The following CYGB variants were observed in gnomAD, a reference collection of about 807,000 sequenced individuals.
CYGB encodes cytoglobin, also known as histoglobin.
A neutral mutation model predicts 20.7 loss-of-function variants in CYGB; 13 were observed. The observed-to-expected ratio is 0.63, with a 90% CI of 0.41 to 1.00. The LOEUF (loss-of-function observed/expected upper bound fraction) is 1.00. Ranked by LOEUF, CYGB falls within the 50% of genes least tolerant of loss-of-function variation. The pLI is 0.00. For missense variants in CYGB, 218 were observed against 257.2 expected (o/e 0.85, Z 1.04); for synonymous variants, 93 against 107.4 (o/e 0.87, Z 0.83).
rs951084606 is a variant in CYGB, at chr17:76,530,101, T to A, written c.539+878A>T. The A allele has an allele frequency of 3.1e-6, 3 of 983,072 alleles. No homozygotes were observed. The African/African-American group carries it at 5.2e-5, about 17-fold the overall frequency. 60.9% of individuals were successfully genotyped at this position (983,072 alleles called of 1,614,324 possible). A position where few individuals can be genotyped will look rare whatever the true frequency, so the allele number is the denominator to read the frequency against. On this transcript the variant is annotated intron_variant, in intron 3 of 3. Transcript: ENST00000293230. The surrounding 1 kb of genome is among the most constrained non-coding windows in gnomAD (Gnocchi z 6.1). ...CGCCGCCTTTTCCATGGGAAACTGC[T>A]GGGAATGTTTCTCTACCACGGGAAT...
Position 76,528,345 on chromosome 17 carries a change from G to A in CYGB, c.*233C>T. On this transcript the variant is annotated 3_prime_UTR_variant, in exon 4 of 4. Coordinates refer to ENST00000293230, the MANE Select transcript of CYGB (RefSeq NM_134268.5). This position sits in a 1 kb window ranked among gnomAD's most constrained non-coding sequence, Gnocchi z 5.8. ...CTCTAACAGTGAGTAGAAAAGCTAA[G>A]AAGAGTGGGCCCCGCTCTGCCCGCC... The A allele has an allele frequency of 2.5e-6, 1 of 406,900 alleles. No homozygotes were observed. Among genetic ancestry groups the A allele is most frequent in the Non-Finnish European group, 4.3e-6 (1 of 231,782 alleles). 25.2% of individuals were successfully genotyped at this position (406,900 alleles called of 1,614,324 possible).
At chr17:76,548,042 G>A (rs1020765429) in intron 1 of CYGB, among the ~76,000 whole-genome samples, 11 of 146,896 alleles carry the variant, frequency 7.5e-5, no homozygotes, top group Non-Finnish European at 1.2e-4. Flanking sequence ...ACACATATAC[G>A]AACATTCACA....
At chr17:76,544,273 T>C (rs1381070690) in intron 1 of CYGB, 5 of 454,412 alleles carry the variant, frequency 1.1e-5, no homozygotes, top group South Asian at 6.2e-5. Flanking sequence ...TCTGCCTGGC[T>C]GGCCCGTGCC....
Position 76,527,747 on chromosome 17 carries a change from G to A in CYGB, c.*831C>T, listed in dbSNP as rs544646562. ...GTGGCCAAGGCAGGTGGAGCTAGCG[G>A]TCGAGGTTTCTGGACTGAGGCCCCT... On this transcript the variant is annotated 3_prime_UTR_variant, in exon 4 of 4. Coordinates refer to ENST00000293230, the MANE Select transcript of CYGB (RefSeq NM_134268.5). 1.6e-4 allele frequency: 73 copies of A among 454,042 alleles called. No homozygotes were observed. The highest frequency in any genetic ancestry group is 1.1e-3 in the South Asian group (72 of 64,474). The allele number at this position is 454,042 out of a possible 1,614,324, so 28.1% of individuals were successfully genotyped here.
rs56118010 is a variant in CYGB at position 76,547,643 on chromosome 17, TCACACACA to T, written c.-53+3211_-53+3218del. On this transcript the variant is annotated intron_variant, in intron 1 of 3. Transcript: ENST00000589145. ...TGTCCCTATGTGAACACACACACAT[TCACACACA>T]CACACACACACATATTCACACACAG... is the stretch of plus-strand genomic sequence containing the variant. Among the ~76,000 whole-genome samples, 20 of 149,980 alleles carry T rather than the reference TCACACACA, an allele frequency of 1.3e-4. No homozygotes were observed. The East Asian group carries it at 1.4e-3, about 10-fold the overall frequency.
upstream of CYGB, chr17:76,540,144 G>A (rs1324785872): frequency 1.2e-6 from 2 of 1,603,540 alleles, no homozygotes; most frequent in Non-Finnish European, 8.5e-7. The surrounding 1 kb of genome is among the most constrained non-coding windows in gnomAD (Gnocchi z 5.0). Context: ...GCTGCGCCAT[G>A]TGCACCACCC....
upstream of CYGB, among the ~76,000 whole-genome samples, chr17:76,541,555 G>A (rs2074993871): frequency 3.9e-5 from 6 of 152,166 alleles, no homozygotes; most frequent in South Asian, 1.2e-3. Context: ...CTGGGATTCT[G>A]AGTCCTGAGA....
intron 1 of CYGB, among the ~76,000 whole-genome samples, chr17:76,534,111 C>CT (rs1567907762): frequency 2.9e-4 from 42 of 144,752 alleles, no homozygotes; most frequent in Non-Finnish European, 4.3e-4. Context: ...TTCTTTCTTT[C>CT]TTCTTTCTTT....
Position 76,528,418 on chromosome 17 carries a change from CA to C in CYGB, c.*159del, listed in dbSNP as rs751049284. ...AGCCAGCGCCGCCTCCCAGCAGCTC[CA>C]GGGGGGGACCCTGGCCGCCACAGAG... On this transcript the variant is annotated 3_prime_UTR_variant, in exon 4 of 4. Transcript: ENST00000293230. This position sits in a 1 kb window ranked among gnomAD's most constrained non-coding sequence, Gnocchi z 5.8. 57 of 641,040 alleles carry C rather than the reference CA, an allele frequency of 8.9e-5. No individual in the cohort carries two copies. The highest frequency in any genetic ancestry group is 9.4e-5 in the African/African-American group (5 of 53,190). 39.7% of individuals were successfully genotyped at this position (641,040 alleles called of 1,614,324 possible).
chr17:76,540,256 G>GA, upstream of CYGB: 1 of 1,210,062 alleles, frequency 8.3e-7, no homozygotes, highest in Non-Finnish European at 1.2e-6. This position sits in a 1 kb window ranked among gnomAD's most constrained non-coding sequence, Gnocchi z 5.0. Flanking sequence ...TTGGTCGGGG[G>GA]GGGGGGGCAT....
chr17:76,550,062 TCTC>T (rs1419312326), intron 1 of CYGB: 1 of 152,000 alleles, frequency 6.6e-6, no homozygotes, highest in Non-Finnish European at 1.5e-5. Flanking sequence ...TTCAAGCAAT[TCTC>T]CTGCCTCAGC....
chr17:76,528,748 G>GT lies in CYGB; in HGVS notation c.540-138dup, dbSNP rs1228499894. On this transcript the variant is annotated intron_variant, in intron 3 of 3. Coordinates refer to ENST00000293230, the MANE Select transcript of CYGB (RefSeq NM_134268.5). This position sits in a 1 kb window ranked among gnomAD's most constrained non-coding sequence, Gnocchi z 5.8. Reference sequence around the variant, plus strand: ...CGGCACAGTGCAGTTGAAAGCAACCGTGAGACCCAAGTTCTAGTCTCCGTC... The same window carrying GT: ...CGGCACAGTGCAGTTGAAAGCAACCGTTGAGACCCAAGTTCTAGTCTCCGTC... 9.6e-7 allele frequency: 1 copy of GT among 1,037,076 alleles called. No homozygotes were observed. Among genetic ancestry groups the GT allele is most frequent in the East Asian group, 3.3e-5 (1 of 30,754 alleles). The allele number at this position is 1,037,076 out of a possible 1,614,324, so 64.2% of individuals were successfully genotyped here. A position where few individuals can be genotyped will look rare whatever the true frequency, so the allele number is the denominator to read the frequency against.
chr17:76,536,942 G>T (rs1567908879), intron 1 of CYGB, among the ~76,000 whole-genome samples: 4 of 152,196 alleles, frequency 2.6e-5, no homozygotes, highest in Non-Finnish European at 5.9e-5. Context: ...CTTCCAAGAG[G>T]CTTTGAATCC....
At chr17:76,529,544 T>G (rs1308262370) in intron 3 of CYGB, 2 of 985,180 alleles carry the variant, frequency 2.0e-6, no homozygotes, top group African/African-American at 1.8e-5. Flanking sequence ...TTCCAGTCTC[T>G]CTTGGCCCTT....
At chr17:76,545,944 G>A in intron 1 of CYGB, 1 of 157,896 alleles carries the variant, frequency 6.3e-6, no homozygotes, top group Non-Finnish European at 1.4e-5. Context: ...GGCAGAGGGT[G>A]GCATTGCTGG....
intron 1 of CYGB, 93 bp downstream of exon 1, chr17:76,537,307 G>T: frequency 7.4e-7 from 1 of 1,348,354 alleles, no homozygotes; most frequent in Middle Eastern, 2.4e-4. Context: ...TGGGGAGGTG[G>T]CGCTGGAGCT....
upstream of CYGB, chr17:76,540,261 G>GGCAT: frequency 6.0e-6 from 5 of 826,464 alleles, no homozygotes; most frequent in Non-Finnish European, 1.0e-5. The surrounding 1 kb of genome is among the most constrained non-coding windows in gnomAD (Gnocchi z 5.0). Context: ...CGGGGGGGGG[G>GGCAT]GGCATGGGGC....
upstream of CYGB, among the ~76,000 whole-genome samples, chr17:76,539,526 C>T (rs971172926): frequency 7.9e-5 from 12 of 152,164 alleles, no homozygotes; most frequent in African/African-American, 2.2e-4. Context: ...TTGAGTCTCC[C>T]GTCTCTCTGG....
In CYGB at chr17:76,528,180, A is replaced by G. The variant is rs2074789419; in HGVS notation, c.*398T>C. On this transcript the variant is annotated 3_prime_UTR_variant, in exon 4 of 4. Transcript: ENST00000293230. The surrounding 1 kb of genome is among the most constrained non-coding windows in gnomAD (Gnocchi z 5.8). The stretch of plus-strand genomic sequence containing the variant: ...TCGTATATAGAATATATCTGTATAT[A>G]TGGTAGATGTGTGCGTGATACTCTA... 3 of 396,246 alleles carry G rather than the reference A, an allele frequency of 7.6e-6. No individual in the cohort carries two copies. Among genetic ancestry groups the G allele is most frequent in the East Asian group, 3.6e-5 (1 of 27,914 alleles). 24.5% of individuals were successfully genotyped at this position (396,246 alleles called of 1,614,324 possible).
Sources: allele counts gnomAD v4.1 joint callset (sites outside exome capture counted in the v4.1 genomes callset), GRCh38; gene constraint gnomAD v4.1.1; non-coding constraint Gnocchi (gnomAD v3.1); transcripts MANE v1.5; gene names NCBI Gene and HGNC (gene_info 2026-07-23, HGNC 2026-07-21).